CHIC2: variants seen among roughly 807,000 people sequenced by gnomAD.
CHIC2 encodes the protein cysteine-rich hydrophobic domain-containing protein 2.
A neutral mutation model predicts 25.9 loss-of-function variants in CHIC2; 14 were observed. The observed-to-expected ratio is 0.54, with a 90% CI of 0.36 to 0.85. The LOEUF (loss-of-function observed/expected upper bound fraction) is 0.85. CHIC2 is among the 40% of genes least tolerant of loss of function. The pLI is 0.01. For missense variants in CHIC2, 146 were observed against 202.0 expected (o/e 0.72, Z 1.68); for synonymous variants, 70 against 72.0 (o/e 0.97, Z 0.14).
intron 3 of CHIC2, among the ~76,000 whole-genome samples, chr4:54,040,005 A>G (rs1716512655): frequency 1.3e-5 from 2 of 152,214 alleles, no homozygotes; most frequent in Admixed American, 1.3e-4. Context: ...GTAGGGATAG[A>G]CAACAGATCA....
intron 5 of CHIC2, among the ~76,000 whole-genome samples, chr4:54,012,123 A>T (rs6827164): frequency 0.4 from 60,055 of 151,148 alleles, 12,982 homozygotes; most frequent in African/African-American, 0.57. Context: ...GCTTATTATT[A>T]TTTTTTTTAA....
At chr4:54,026,475 G>A (rs1305723001) in intron 3 of CHIC2, among the ~76,000 whole-genome samples, 2 of 152,106 alleles carry the variant, frequency 1.3e-5, no homozygotes, top group Non-Finnish European at 2.9e-5. Context: ...AGCCAAGAGT[G>A]TGCCACTGCA....
the CHIC2 span, chr4:54,087,451 G>A: frequency 4.5e-6 from 3 of 663,428 alleles, no homozygotes; most frequent in Non-Finnish European, 2.4e-6. Flanking sequence ...ATAAGGCATA[G>A]GCAGTTAATG....
the CHIC2 span, among the ~76,000 whole-genome samples, chr4:54,077,714 A>G: frequency 6.6e-6 from 1 of 152,126 alleles, no homozygotes; most frequent in Non-Finnish European, 1.5e-5. Context: ...ACATGATCCC[A>G]CTTTGGCTCA....
At chr4:54,083,040 T>TTTTTC in the CHIC2 span, among the ~76,000 whole-genome samples, 1 of 143,976 alleles carries the variant, frequency 6.9e-6, no homozygotes, top group Non-Finnish European at 1.5e-5. Context: ...TTTTTTTTTT[T>TTTTTC]TTTGAGACTG....
At chr4:54,074,098 C>T in the CHIC2 span, among the ~76,000 whole-genome samples, 1 of 151,822 alleles carries the variant, frequency 6.6e-6, no homozygotes, top group East Asian at 1.9e-4. Flanking sequence ...GCGGAGGTTG[C>T]AGTGAGCCTA....
At chr4:54,038,443 A>G (rs1369090082) in intron 3 of CHIC2, among the ~76,000 whole-genome samples, 1 of 152,182 alleles carries the variant, frequency 6.6e-6, no homozygotes, top group Non-Finnish European at 1.5e-5. Context: ...ATGCTACGCA[A>G]AAAACTACAA....
intron 3 of CHIC2, among the ~76,000 whole-genome samples, chr4:54,035,146 G>A (rs529133919): frequency 5.2e-4 from 79 of 152,220 alleles, no homozygotes; most frequent in African/African-American, 1.8e-3. Flanking sequence ...TAGGCTAAAC[G>A]TCTGTTTAGA....
the CHIC2 span, among the ~76,000 whole-genome samples, chr4:54,072,557 A>C: frequency 6.6e-6 from 1 of 152,218 alleles, no homozygotes; most frequent in African/African-American, 2.4e-5. Flanking sequence ...AAATATCTAT[A>C]GTATATTGAG....
chr4:54,080,704 C>T, the CHIC2 span, among the ~76,000 whole-genome samples: 3 of 147,626 alleles, frequency 2.0e-5, no homozygotes, highest in African/African-American at 7.5e-5. Context: ...AGGTGGAGGC[C>T]GAGATCGCAC....
At chr4:54,049,646 C>T (rs927788845) in intron 1 of CHIC2, among the ~76,000 whole-genome samples, 10 of 152,010 alleles carry the variant, frequency 6.6e-5, no homozygotes, top group African/African-American at 1.9e-4. Context: ...GGTGGGATAG[C>T]GATTTTTTCC....
At chr4:54,010,544 T>C (rs1006941037) in intron 5 of CHIC2, among the ~76,000 whole-genome samples, 1 of 152,122 alleles carries the variant, frequency 6.6e-6, no homozygotes, top group Admixed American at 6.6e-5. Context: ...CCATACTACA[T>C]TGGGTCTCTT....
chr4:54,010,171 T>A, intron 5 of CHIC2, 26 bp from the exon 6 acceptor site: 1 of 1,528,448 alleles, frequency 6.5e-7, no homozygotes, highest in Non-Finnish European at 9.0e-7. Context: ...AAAAAGGTTT[T>A]AAAAGATTTA....
At chr4:54,023,216 C>T (rs193113980) in intron 3 of CHIC2, among the ~76,000 whole-genome samples, 3 of 152,248 alleles carry the variant, frequency 2.0e-5, no homozygotes, top group Non-Finnish European at 2.9e-5. Flanking sequence ...ACACAAGAGC[C>T]GGAACCGTGC....
chr4:54,086,410 G>T, the CHIC2 span, among the ~76,000 whole-genome samples: 2 of 152,256 alleles, frequency 1.3e-5, no homozygotes, highest in Non-Finnish European at 2.9e-5. Flanking sequence ...GTTTGGTTTA[G>T]GAGGTCCTGG....
chr4:54,020,843 C>T (rs776987426), intron 3 of CHIC2, among the ~76,000 whole-genome samples: 34 of 152,170 alleles, frequency 2.2e-4, no homozygotes, highest in Non-Finnish European at 3.7e-4. Flanking sequence ...ATTGCAGAGA[C>T]GCCTGCCTGA....
intron 5 of CHIC2, among the ~76,000 whole-genome samples, chr4:54,012,432 T>C (rs1389977421): frequency 6.6e-6 from 1 of 152,176 alleles, no homozygotes; most frequent in Non-Finnish European, 1.5e-5. Flanking sequence ...ATTTTATGAA[T>C]AAATTATAGT....
chr4:54,038,432 T>C lies in CHIC2; in HGVS notation c.330+10523A>G, dbSNP rs533459968. Among the ~76,000 whole-genome samples the C allele has an allele frequency of 9.6e-4, 146 of 152,268 alleles. 1 individual carries two copies. The highest frequency in any genetic ancestry group is 3.3e-3 in the African/African-American group (137 of 41,560). ...GCTAATAAAACATGAGCATAATCTA[T>C]ATGCTACGCAAAAAACTACAAAGCT... is the stretch of plus-strand genomic sequence containing the variant. On this transcript the variant is annotated intron_variant, in intron 3 of 5. Coordinates refer to ENST00000263921, the MANE Select transcript of CHIC2 (RefSeq NM_012110.4).
intron 1 of CHIC2, among the ~76,000 whole-genome samples, chr4:54,051,440 T>C (rs1238606397): frequency 6.6e-6 from 1 of 152,100 alleles, no homozygotes; most frequent in Admixed American, 6.6e-5. Context: ...TAACAATCTT[T>C]ATTCATCCCC....
Sources: allele counts gnomAD v4.1 joint callset (sites outside exome capture counted in the v4.1 genomes callset), GRCh38; gene constraint gnomAD v4.1.1; transcripts MANE v1.5; gene names NCBI Gene and HGNC (gene_info 2026-07-23, HGNC 2026-07-21).